Variants in DSCAM observed in about 807,000 individuals in gnomAD.
The protein encoded by DSCAM is DS cell adhesion molecule.
Under a neutral mutation model 217.7 loss-of-function variants are expected in DSCAM, and 47 were observed. The ratio of observed to expected loss-of-function variants is 0.22; its 90% CI spans 0.17 to 0.28. The LOEUF is 0.28. DSCAM is among the 10% of genes least tolerant of loss of function. The pLI is 1.00. For missense variants in DSCAM, 2,080 were observed against 2,618.3 expected (o/e 0.79, Z 4.49); for synonymous variants, 1,056 against 1,015.3 (o/e 1.04, Z -0.76).
intron 6 of DSCAM, 107 bp from the exon 7 acceptor site, chr21:40,339,522 T>C: frequency 1.7e-6 from 2 of 1,182,808 alleles, no homozygotes; most frequent in Non-Finnish European, 2.3e-6. Flanking sequence ...TTGTTAAACA[T>C]TACCAAAAAG....
intron 6 of DSCAM, among the ~76,000 whole-genome samples, chr21:40,342,236 C>A (rs1195958535): frequency 1.3e-5 from 2 of 151,938 alleles, no homozygotes. Flanking sequence ...TGATCTGATA[C>A]ATTTGTAAGA....
At chr21:40,816,402 C>A (rs1309002318) in intron 1 of DSCAM, among the ~76,000 whole-genome samples, 1 of 151,966 alleles carries the variant, frequency 6.6e-6, no homozygotes, top group Non-Finnish European at 1.5e-5. Context: ...AATATGGTGA[C>A]ACCCCATCTC....
chr21:40,139,021 T>C lies in DSCAM; in HGVS notation c.3406+3537A>G, dbSNP rs374688749. Reference sequence around the variant, plus strand: ...GTGTGTGGTGTATGTGTGGTGTGTGTGTAGTGTGTGTGTAGTGTGTGTTGT... The same window carrying C: ...GTGTGTGGTGTATGTGTGGTGTGTGCGTAGTGTGTGTGTAGTGTGTGTTGT... On this transcript the variant is annotated intron_variant, in intron 18 of 32. Transcript: ENST00000400454. 2.1e-5 allele frequency among the ~76,000 whole-genome samples: 3 copies of C among 145,104 alleles called. No individual in the cohort carries two copies. In the South Asian group the frequency reaches 6.7e-4, roughly 32 times the overall value.
chr21:40,158,295 T>C (rs999069360), intron 16 of DSCAM, among the ~76,000 whole-genome samples: 2 of 151,678 alleles, frequency 1.3e-5, no homozygotes, highest in African/African-American at 2.4e-5. Context: ...GAGGCTGAGG[T>C]AGGAGGATCA....
intron 11 of DSCAM, among the ~76,000 whole-genome samples, chr21:40,259,661 C>CTTTTTTTTTTTTTTTTT (rs542106779): frequency 1.7e-5 from 1 of 59,518 alleles, no homozygotes; most frequent in African/African-American, 4.7e-5. Flanking sequence ...GTCAGCCATT[C>CTTTTTTTTTTTTTTTTT]TTTTTTTTTT....
chr21:40,277,632 ATT>A lies in DSCAM; in HGVS notation c.2183-1364_2183-1363del, dbSNP rs563319395. ...CTAGAGGGGACATACGACAACCTGA[ATT>A]TTTTTTTTTTTTTTTTTGAGATGTA... On this transcript the variant is annotated intron_variant, in intron 10 of 32. Coordinates refer to ENST00000400454, the MANE Select transcript of DSCAM (RefSeq NM_001389.5). Among the ~76,000 whole-genome samples, 293 of 137,164 alleles carry A rather than the reference ATT, an allele frequency of 2.1e-3. 1 individual carries two copies. The highest frequency in any genetic ancestry group is 7.4e-3 in the African/African-American group (271 of 36,770). 90.0% of individuals were successfully genotyped at this position (137,164 alleles called of 152,430 possible).
intron 1 of DSCAM, among the ~76,000 whole-genome samples, chr21:40,773,834 G>C (rs957059913): frequency 2.6e-5 from 4 of 152,190 alleles, no homozygotes; most frequent in Non-Finnish European, 4.4e-5. Context: ...GTAAGTAAGG[G>C]AATAATCCAG....
intron 27 of DSCAM, among the ~76,000 whole-genome samples, chr21:40,073,174 G>A (rs556790460): frequency 6.6e-6 from 1 of 152,158 alleles, no homozygotes; most frequent in African/African-American, 2.4e-5. Context: ...GTTCGAAGGT[G>A]AGTAGGAAAA....
chr21:40,708,498 T>C lies in DSCAM; in HGVS notation c.317A>G (p.Asn106Ser). 1 of 1,519,502 alleles carries C rather than the reference T, an allele frequency of 6.6e-7. No individual in the cohort carries two copies. Among genetic ancestry groups the C allele is most frequent in the Non-Finnish European group, 8.9e-7 (1 of 1,128,332 alleles). 94.1% of individuals were successfully genotyped at this position (1,519,502 alleles called of 1,614,324 possible). A position where few individuals can be genotyped will look rare whatever the true frequency, so the allele number is the denominator to read the frequency against. The change falls in exon 2 of 33, where the codon AAT becomes AGT. Residue 106 changes from asparagine (N) to serine (S), a missense_variant. Physicochemically the swap from Asn to Ser is conservative, Grantham distance 46. Coordinates refer to ENST00000400454, the MANE Select transcript of DSCAM (RefSeq NM_001389.5). ...CTGACTTCTAATTTTCCCTGAAGGA[T>C]TTTCAGCTGTGCAATAATAAGTATT... ...HDNTYYCTAENPSGKIRSQDV... is the reference protein window; with the variant it reads ...HDNTYYCTAESPSGKIRSQDV...
chr21:40,844,720 A>T (rs1453852457), intron 1 of DSCAM, among the ~76,000 whole-genome samples: 1 of 152,212 alleles, frequency 6.6e-6, no homozygotes, highest in African/African-American at 2.4e-5. Context: ...TCAGAAAAAA[A>T]GTCACACACA....
chr21:40,728,261 A>T (rs1286231984), intron 1 of DSCAM, among the ~76,000 whole-genome samples: 1 of 152,168 alleles, frequency 6.6e-6, no homozygotes, highest in Non-Finnish European at 1.5e-5. Context: ...TCCCTGATGT[A>T]TTCCCAATTC....
At chr21:40,376,210 C>T (rs565778429) in intron 3 of DSCAM, among the ~76,000 whole-genome samples, 26 of 152,124 alleles carry the variant, frequency 1.7e-4, no homozygotes, top group South Asian at 1.7e-3. Flanking sequence ...TTCTCAGCTG[C>T]GCCTGCCGTC....
At chr21:40,701,444 CTTCA>C (rs984038252) in intron 2 of DSCAM, among the ~76,000 whole-genome samples, 36 of 152,156 alleles carry the variant, frequency 2.4e-4, no homozygotes, top group African/African-American at 7.7e-4. Context: ...CCATTCTGAT[CTTCA>C]TTGTTTGCTT....
intron 5 of DSCAM, among the ~76,000 whole-genome samples, chr21:40,350,980 A>C (rs1444535131): frequency 7.0e-6 from 1 of 142,472 alleles, no homozygotes; most frequent in African/African-American, 2.6e-5. Context: ...CTGTAGCCTG[A>C]AACTCCTCTC....
rs368345516 is a variant in DSCAM, at chr21:40,229,665, T to A, written c.2357-40427A>T. 2.3e-3 allele frequency among the ~76,000 whole-genome samples: 344 copies of A among 152,354 alleles called. 1 individual carries two copies. The highest frequency in any genetic ancestry group is 5.6e-3 in the African/African-American group (233 of 41,588). On this transcript the variant is annotated intron_variant, in intron 11 of 32. Coordinates refer to ENST00000400454, the MANE Select transcript of DSCAM (RefSeq NM_001389.5). ...TAATATGCACTTAATTTTAGTGGTT[T>A]GACTCATCATTCTACTTTATAGCTG...
chr21:40,423,867 C>T (rs761408659), intron 3 of DSCAM, among the ~76,000 whole-genome samples: 1 of 152,086 alleles, frequency 6.6e-6, no homozygotes, highest in Non-Finnish European at 1.5e-5. Context: ...GGGCAGAAAT[C>T]CAAGAGCGGA....
At chr21:40,516,362 T>C (rs1179023321) in intron 3 of DSCAM, among the ~76,000 whole-genome samples, 1 of 152,150 alleles carries the variant, frequency 6.6e-6, no homozygotes, top group East Asian at 1.9e-4. Context: ...AAATGCGATG[T>C]TTCTCAGACC....
intron 11 of DSCAM, among the ~76,000 whole-genome samples, chr21:40,234,105 T>C (rs531622720): frequency 1.6e-4 from 24 of 152,332 alleles, no homozygotes; most frequent in South Asian, 8.3e-4. Flanking sequence ...GCACGGAACA[T>C]GGCTGCATTC....
At chr21:40,600,703 G>A (rs1255989151) in intron 3 of DSCAM, among the ~76,000 whole-genome samples, 1 of 152,114 alleles carries the variant, frequency 6.6e-6, no homozygotes, top group East Asian at 1.9e-4. Context: ...TGTTGTTGTT[G>A]TTAAAGCACG....
Sources: gnomAD v4.1 joint callset for allele counts (sites outside exome capture counted in the v4.1 genomes callset) on GRCh38, gnomAD v4.1.1 for gene constraint, MANE v1.5 for transcripts, NCBI Gene and HGNC (gene_info 2026-07-23, HGNC 2026-07-21) for gene names.